The following TRPM3 variants were observed in gnomAD, a reference collection of about 807,000 sequenced individuals.
TRPM3 encodes transient receptor potential cation channel subfamily M member 3, also known as long transient receptor potential channel 3.
A neutral mutation model predicts 181.2 loss-of-function variants in TRPM3; 77 were observed. The ratio of observed to expected loss-of-function variants is 0.42; its 90% CI spans 0.35 to 0.51. The LOEUF is 0.51. TRPM3 is among the 20% of genes least tolerant of loss of function. The probability of loss-of-function intolerance (pLI) is 0.01; values close to 1 mark genes in which losing one functional copy is unlikely to be tolerated. For synonymous variants in TRPM3, 745 were observed against 796.4 expected (o/e 0.94, Z 1.09); for missense variants, 1,759 against 2,196.7 (o/e 0.80, Z 3.98).
At chr9:71,108,405 C>T (rs1587253171) in intron 1 of TRPM3, among the ~76,000 whole-genome samples, 1 of 152,094 alleles carries the variant, frequency 6.6e-6, no homozygotes, top group South Asian at 2.1e-4. Context: ...AGAGAGGCTG[C>T]TCCCCTGCCA....
At chr9:71,009,878 G>T (rs770568774) in intron 1 of TRPM3, among the ~76,000 whole-genome samples, 1 of 152,124 alleles carries the variant, frequency 6.6e-6, no homozygotes, top group African/African-American at 2.4e-5. Flanking sequence ...CATAAAAACA[G>T]ATGCACATAG....
chr9:71,159,105 TAGAGAGAGAGAGAGAGAG>T, intron 1 of TRPM3, among the ~76,000 whole-genome samples: 1 of 144,180 alleles, frequency 6.9e-6, no homozygotes, highest in Non-Finnish European at 1.5e-5. Context: ...TATATATATT[TAGAGAGAGAGAGAGAGAG>T]AGAGAGAGAG....
intron 1 of TRPM3, among the ~76,000 whole-genome samples, chr9:70,977,248 C>T (rs1419331732): frequency 2.0e-5 from 3 of 152,192 alleles, no homozygotes; most frequent in African/African-American, 7.2e-5. Flanking sequence ...GATTCTCCTG[C>T]CTCAGCCTCC....
intron 1 of TRPM3, among the ~76,000 whole-genome samples, chr9:71,199,104 G>C (rs1017362727): frequency 1.3e-5 from 2 of 151,378 alleles, no homozygotes; most frequent in Non-Finnish European, 2.9e-5. Context: ...TTTTGTCAAA[G>C]GTCTTTTCTG....
intron 1 of TRPM3, among the ~76,000 whole-genome samples, chr9:71,092,295 G>A (rs2066359723): frequency 6.6e-6 from 1 of 152,074 alleles, no homozygotes; most frequent in Non-Finnish European, 1.5e-5. Context: ...GTGCCCTCTG[G>A]AACTCTGCAG....
chr9:70,893,962 T>C (rs1361798028), intron 1 of TRPM3, among the ~76,000 whole-genome samples: 1 of 152,174 alleles, frequency 6.6e-6, no homozygotes, highest in Non-Finnish European at 1.5e-5. Context: ...CCAAAAGTTA[T>C]AATATGCTTA....
chr9:70,875,406 A>C (rs2095853698), intron 1 of TRPM3, among the ~76,000 whole-genome samples: 2 of 151,968 alleles, frequency 1.3e-5, no homozygotes, highest in South Asian at 4.1e-4. Flanking sequence ...ACAAACAAAA[A>C]TGTAGCAGAG....
upstream of TRPM3, among the ~76,000 whole-genome samples, chr9:71,125,790 C>A (rs1479264638): frequency 6.6e-6 from 1 of 152,018 alleles, no homozygotes; most frequent in Non-Finnish European, 1.5e-5. Flanking sequence ...CTAGACAATA[C>A]CATTTAGGAC....
At chr9:71,043,082 A>T (rs1447610857) in intron 1 of TRPM3, among the ~76,000 whole-genome samples, 26 of 152,330 alleles carry the variant, frequency 1.7e-4, no homozygotes, top group Non-Finnish European at 4.4e-5. Flanking sequence ...AAAATTGGAA[A>T]TTTCTGTATC....
intron 22 of TRPM3, among the ~76,000 whole-genome samples, chr9:70,578,292 T>C (rs2054596482): frequency 8.3e-6 from 1 of 120,320 alleles, no homozygotes; most frequent in Admixed American, 9.1e-5. Flanking sequence ...ATGGTGCTTT[T>C]GTATCCAAAA....
intron 9 of TRPM3, among the ~76,000 whole-genome samples, chr9:70,655,790 T>A (rs975137645): frequency 1.9e-4 from 29 of 152,196 alleles, no homozygotes; most frequent in African/African-American, 6.8e-4. Flanking sequence ...GCTATGTAGC[T>A]GATAACTGCT....
Position 70,532,042 on chromosome 9 carries a change from C to T in TRPM3, c.*3911G>A, listed in dbSNP as rs1227978569. On this transcript the variant is annotated 3_prime_UTR_variant, in exon 26 of 26. Transcript: ENST00000677713. ...CCTGTAACGTTCATTAATACAACCACATGCTACAACTACGCTGGGTTAAAC... is the reference window on the plus strand; with the variant it reads ...CCTGTAACGTTCATTAATACAACCATATGCTACAACTACGCTGGGTTAAAC... 1 of 152,200 alleles carries T rather than the reference C, an allele frequency of 6.6e-6. No homozygotes were observed. Among genetic ancestry groups the T allele is most frequent in the Non-Finnish European group, 1.5e-5 (1 of 68,026 alleles). 9.4% of individuals were successfully genotyped at this position (152,200 alleles called of 1,614,324 possible).
chr9:71,192,581 T>A (rs1341862838), intron 1 of TRPM3, among the ~76,000 whole-genome samples: 1 of 151,948 alleles, frequency 6.6e-6, no homozygotes, highest in Non-Finnish European at 1.5e-5. Flanking sequence ...ATTATTCATG[T>A]TCTTTGCCCA....
rs118008663 is a variant in TRPM3 at position 71,077,673 on chromosome 9, G to A, written c.177+43505C>T. Among the ~76,000 whole-genome samples, 983 of 152,092 alleles carry A rather than the reference G, an allele frequency of 6.5e-3. 27 individuals are homozygous for A. Among genetic ancestry groups the A allele is most frequent in the Admixed American group, 0.051 (774 of 15,252 alleles). ...TCTCACCTGTGCTCCTGTAACACCCGTTTTTACCCACACTCTGCCCGCACT... is the reference window on the plus strand; with the variant it reads ...TCTCACCTGTGCTCCTGTAACACCCATTTTTACCCACACTCTGCCCGCACT... On this transcript the variant is annotated intron_variant, in intron 1 of 25. Coordinates refer to ENST00000677713, the MANE Select transcript of TRPM3 (RefSeq NM_001366145.2).
intron 1 of TRPM3, among the ~76,000 whole-genome samples, chr9:71,416,896 T>C (rs1410946764): frequency 6.6e-6 from 1 of 152,034 alleles, no homozygotes; most frequent in Non-Finnish European, 1.5e-5. Context: ...ACTGGTCTTT[T>C]CTGGCATTTC....
intron 1 of TRPM3, among the ~76,000 whole-genome samples, chr9:71,434,495 T>C (rs1468436720): frequency 1.3e-5 from 2 of 152,228 alleles, no homozygotes; most frequent in South Asian, 2.1e-4. Context: ...ACCCAGGCTA[T>C]GGTATTTTAC....
chr9:71,106,328 A>C (rs1408074318), intron 1 of TRPM3, among the ~76,000 whole-genome samples: 1 of 151,966 alleles, frequency 6.6e-6, no homozygotes, highest in African/African-American at 2.4e-5. Flanking sequence ...GGGGGGAGGT[A>C]TTTTGGTCAT....
At chr9:70,814,530 C>T (rs2092487682) in intron 6 of TRPM3, among the ~76,000 whole-genome samples, 4 of 152,158 alleles carry the variant, frequency 2.6e-5, no homozygotes, top group Admixed American at 2.6e-4. Flanking sequence ...ATTCTGATTT[C>T]AGCCATTATA....
chr9:71,073,924 A>G (rs902534432), intron 1 of TRPM3, among the ~76,000 whole-genome samples: 41 of 152,244 alleles, frequency 2.7e-4, no homozygotes, highest in African/African-American at 9.4e-4. Flanking sequence ...GGAAAAGGAT[A>G]TACTTCTATC....
Sources: gnomAD v4.1 joint callset for allele counts (sites outside exome capture counted in the v4.1 genomes callset) on GRCh38, gnomAD v4.1.1 for gene constraint, MANE v1.5 for transcripts, NCBI Gene and HGNC (gene_info 2026-07-23, HGNC 2026-07-21) for gene names.